Variants in OR2L2 observed in about 807,000 individuals in gnomAD.
OR2L2 encodes olfactory receptor 2L2.
For missense variants in OR2L2, 378 were observed against 375.2 expected (o/e 1.01, Z -0.06); for synonymous variants, 156 against 135.4 (o/e 1.15, Z -1.06).
At chr1:248,033,813 T>G (rs1572686507) in intron 1 of OR2L2, among the ~76,000 whole-genome samples, 1 of 152,210 alleles carries the variant, frequency 6.6e-6, no homozygotes, top group East Asian at 1.9e-4. Context: ...TCTGTAGTTC[T>G]TGGAAGTGGA....
intron 2 of OR2L2, among the ~76,000 whole-genome samples, chr1:248,036,420 A>G (rs1319423245): frequency 6.6e-6 from 1 of 152,222 alleles, no homozygotes; most frequent in Non-Finnish European, 1.5e-5. Flanking sequence ...AGACATCTTC[A>G]TTCCTGAAAA....
chr1:248,034,826 C>T (rs1298334506), intron 1 of OR2L2, among the ~76,000 whole-genome samples: 1 of 152,124 alleles, frequency 6.6e-6, no homozygotes, highest in African/African-American at 2.4e-5. Flanking sequence ...GACAATTTTG[C>T]TTCTGACACT....
chr1:248,041,090 C>T lies in OR2L2; in HGVS notation c.*1884C>T, dbSNP rs1330483888. ...ATAATATGAGAAAAGGTAGTAGTTG[C>T]CTGATGTTGAAAGATTTACCTAATC... On this transcript the variant is annotated 3_prime_UTR_variant, in exon 3 of 3. Coordinates refer to ENST00000641771, the MANE Select transcript of OR2L2 (RefSeq NM_001385855.1). 4 of 152,066 alleles carry T rather than the reference C, an allele frequency of 2.6e-5. No homozygotes were observed. The highest frequency in any genetic ancestry group is 4.4e-5 in the Non-Finnish European group (3 of 68,016). 9.4% of individuals were successfully genotyped at this position (152,066 alleles called of 1,614,324 possible).
At chr1:248,036,857 T>C (rs1662776575) in intron 2 of OR2L2, among the ~76,000 whole-genome samples, 1 of 152,210 alleles carries the variant, frequency 6.6e-6, no homozygotes, top group South Asian at 2.1e-4. Flanking sequence ...GATTACATTA[T>C]ACTTTATGGA....
chr1:248,034,979 A>G (rs1035747421), intron 1 of OR2L2, among the ~76,000 whole-genome samples: 1 of 151,294 alleles, frequency 6.6e-6, no homozygotes, highest in Non-Finnish European at 1.5e-5. Context: ...CTACACATAT[A>G]GTTATGTCAT....
At chr1:248,032,061 C>G (rs1422040956) in intron 1 of OR2L2, among the ~76,000 whole-genome samples, 1 of 152,022 alleles carries the variant, frequency 6.6e-6, no homozygotes, top group African/African-American at 2.4e-5. Flanking sequence ...AATAATTAAA[C>G]TACTAATATA....
chr1:248,038,948 G>A lies in OR2L2; in HGVS notation c.681G>A (p.Met227Ile), dbSNP rs1183675914. ...YGRVLLAVYR[M>I]HSAEGRKKAY... ...GGGTTCTCCTTGCTGTCTACCGCAT[G>A]CACTCTGCAGAAGGGAGGAAGAAGG... Residue 227 changes from methionine to isoleucine, a missense_variant, in exon 3 of 3, where the codon ATG becomes ATA. Physicochemically the swap from Met to Ile is conservative, Grantham distance 10. Transcript: ENST00000641771. The A allele has an allele frequency of 1.2e-6, 2 of 1,614,116 alleles. No individual in the cohort carries two copies. The highest frequency in any genetic ancestry group is 3.3e-5 in the Admixed American group (2 of 60,018).
At chr1:248,036,076 A>AT (rs1311334091) in intron 2 of OR2L2, among the ~76,000 whole-genome samples, 1 of 152,094 alleles carries the variant, frequency 6.6e-6, no homozygotes, top group Non-Finnish European at 1.5e-5. Context: ...TTACTTTGTG[A>AT]TTTTACATGC....
intron 1 of OR2L2, among the ~76,000 whole-genome samples, chr1:248,034,110 A>G (rs190957071): frequency 3.3e-5 from 5 of 152,354 alleles, no homozygotes; most frequent in Admixed American, 1.3e-4. Context: ...CAAGGAGGTG[A>G]GAGAACTCTA....
At chr1:248,034,169 C>T (rs1662693596) in intron 1 of OR2L2, among the ~76,000 whole-genome samples, 1 of 152,078 alleles carries the variant, frequency 6.6e-6, no homozygotes, top group African/African-American at 2.4e-5. Context: ...ACGAAACAAA[C>T]CTATGGAAAC....
At chr1:248,031,680 G>T (rs948085176) in intron 1 of OR2L2, among the ~76,000 whole-genome samples, 5 of 152,172 alleles carry the variant, frequency 3.3e-5, no homozygotes, top group Admixed American at 1.3e-4. Flanking sequence ...TTTCTTCAAG[G>T]TTCCTTCTCT....
intron 2 of OR2L2, among the ~76,000 whole-genome samples, chr1:248,037,982 AAG>A (rs1220312668): frequency 6.6e-6 from 1 of 152,246 alleles, no homozygotes. Flanking sequence ...GTTTGAAAGA[AAG>A]AAAAATATAG....
At chr1:248,035,525 A>T (rs1662736868) in intron 1 of OR2L2, 25 bp from the exon 2 acceptor site, 1 of 152,150 alleles carries the variant, frequency 6.6e-6, no homozygotes, top group South Asian at 2.1e-4. Context: ...CATAATTTTT[A>T]CATCACTTTA....
At chr1:248,033,543 C>T (rs1287215532) in intron 1 of OR2L2, among the ~76,000 whole-genome samples, 1 of 151,788 alleles carries the variant, frequency 6.6e-6, no homozygotes, top group Admixed American at 6.6e-5. Flanking sequence ...CTCAAGCAAC[C>T]CTCCCATCTC....
At chr1:248,033,265 A>C (rs981185821) in intron 1 of OR2L2, among the ~76,000 whole-genome samples, 1 of 152,114 alleles carries the variant, frequency 6.6e-6, no homozygotes, top group African/African-American at 2.4e-5. Context: ...ATATGGTGTA[A>C]AGTAAGCATC....
At chr1:248,033,649 A>G (rs549633907) in intron 1 of OR2L2, among the ~76,000 whole-genome samples, 2 of 145,082 alleles carry the variant, frequency 1.4e-5, no homozygotes, top group Admixed American at 6.9e-5. Flanking sequence ...ACCATGTTTT[A>G]CTGGCTGGTC....
rs1662837870 is a variant in OR2L2 at position 248,038,592 on chromosome 1, G to T, written c.325G>T (p.Ala109Ser). 6.2e-7 allele frequency: 1 copy of T among 1,614,146 alleles called. No homozygotes were observed. The highest frequency in any genetic ancestry group is 8.5e-7 in the Non-Finnish European group (1 of 1,179,996). ...TTTCTTCTTCTTGACTTTAGCAGTT[G>T]CAGAAGGGCTGCTCCTGACATCAAT... is the stretch of plus-strand genomic sequence containing the variant. ...QSFFFLTLAVAEGLLLTSMAY... is the reference protein window; with the variant it reads ...QSFFFLTLAVSEGLLLTSMAY... Residue 109 changes from alanine (A) to serine (S), a missense_variant, in exon 3 of 3, where the codon GCA becomes TCA. Coordinates refer to ENST00000641771, the MANE Select transcript of OR2L2 (RefSeq NM_001385855.1).
intron 1 of OR2L2, among the ~76,000 whole-genome samples, chr1:248,035,302 T>C (rs1033504988): frequency 6.6e-6 from 1 of 151,962 alleles, no homozygotes; most frequent in Non-Finnish European, 1.5e-5. Context: ...TACAAAAATT[T>C]AGCCAGCTTG....
rs757629400 is a variant in OR2L2, at chr1:248,038,251, G to T, written c.-17G>T. On this transcript the variant is annotated 5_prime_UTR_variant, in exon 3 of 3. Transcript: ENST00000641771. The stretch of plus-strand genomic sequence containing the variant: ...TACCCTTTTGTCTCCCTTCAGGATG[G>T]ATTGTAGGAATTCCCCATGGAAAAT... 203 of 1,546,802 alleles carry T rather than the reference G, an allele frequency of 1.3e-4. No homozygotes were observed. The highest frequency in any genetic ancestry group is 1.6e-4 in the Non-Finnish European group (182 of 1,126,260).
Sources: gnomAD v4.1 joint callset for allele counts (sites outside exome capture counted in the v4.1 genomes callset) on GRCh38, gnomAD v4.1.1 for gene constraint, MANE v1.5 for transcripts, NCBI Gene and HGNC (gene_info 2026-07-23, HGNC 2026-07-21) for gene names.